NEK9: variants seen among roughly 807,000 people sequenced by gnomAD.
NEK9 encodes serine/threonine-protein kinase Nek9.
Under a neutral mutation model 123.4 loss-of-function variants are expected in NEK9, and 75 were observed. The observed-to-expected ratio is 0.61, with a 90% CI of 0.50 to 0.74. The LOEUF is 0.74. Among genes scored for constraint, NEK9 ranks in the 30% least tolerant of loss-of-function variants. The pLI is 0.00. For synonymous variants in NEK9, 438 were observed against 458.7 expected, an observed-to-expected ratio of 0.95 and a Z score of 0.58; for missense variants, 952 against 1,214.4, an observed-to-expected ratio of 0.78 and a Z score of 3.21.
chr14:75,088,787 C>A lies in NEK9; in HGVS notation c.2443-146G>T, dbSNP rs73309781. 3,576 of 656,574 alleles carry A rather than the reference C, an allele frequency of 5.4e-3. 114 individuals carry two copies. In the African/African-American group the frequency reaches 0.061, roughly 11 times the overall value. 40.7% of individuals were successfully genotyped at this position (656,574 alleles called of 1,614,324 possible). A position where few individuals can be genotyped will look rare whatever the true frequency, so the allele number is the denominator to read the frequency against. On this transcript the variant is annotated intron_variant, in intron 19 of 21. Coordinates refer to ENST00000238616, the MANE Select transcript of NEK9 (RefSeq NM_033116.6). ...AGTTGTGGTTAACAACATATCACAG[C>A]CTACCTGTGAAAAAACTGCCACCCC...
intron 16 of NEK9, among the ~76,000 whole-genome samples, chr14:75,100,486 AAAGAG>A (rs1894539612): frequency 6.6e-6 from 1 of 152,168 alleles, no homozygotes; most frequent in South Asian, 2.1e-4. Context: ...GTCTCAGAGA[AAAGAG>A]AGGAGAAAAA....
rs187134031 is a variant in NEK9 at position 75,106,161 on chromosome 14, A to G, written c.1529-165T>C. 108 of 645,338 alleles carry G rather than the reference A, an allele frequency of 1.7e-4. No individual in the cohort carries two copies. In the Admixed American group the frequency reaches 2.7e-3, roughly 16 times the overall value. The allele number at this position is 645,338 out of a possible 1,614,324, so 40.0% of individuals were successfully genotyped here. ...ATGAGGTCAGAAGTTCGAGCGAGAC[A>G]AGCCTGGCCAGTGTGGTGAAACCCC... On this transcript the variant is annotated intron_variant, in intron 12 of 21. Coordinates refer to ENST00000238616, the MANE Select transcript of NEK9 (RefSeq NM_033116.6).
rs184242884 is a variant in NEK9, at chr14:75,088,036, G to A, written c.2604+444C>T. ...AGGAAAAGTCTAAAATAATTATGTAGCCTTTTATAGAAAAAGTTTCATGAC... is the reference window on the plus strand; with the variant it reads ...AGGAAAAGTCTAAAATAATTATGTAACCTTTTATAGAAAAAGTTTCATGAC... On this transcript the variant is annotated intron_variant, in intron 20 of 21. Coordinates refer to ENST00000238616, the MANE Select transcript of NEK9 (RefSeq NM_033116.6). 4.6e-5 allele frequency among the ~76,000 whole-genome samples: 7 copies of A among 152,270 alleles called. No homozygotes were observed. In the East Asian group the frequency reaches 9.6e-4, roughly 21 times the overall value.
At chr14:75,101,811 C>A in intron 14 of NEK9, 46 bp from the exon 15 acceptor site, 5 of 1,398,978 alleles carry the variant, frequency 3.6e-6, no homozygotes, top group South Asian at 1.2e-5. Context: ...GTAAGAAAAT[C>A]GAAGGAAAAT....
At chr14:75,118,259 C>T (rs1594850468) in intron 5 of NEK9, among the ~76,000 whole-genome samples, 1 of 152,182 alleles carries the variant, frequency 6.6e-6, no homozygotes, top group African/African-American at 2.4e-5. Flanking sequence ...AAGGACAGAG[C>T]ATTGTGAAAC....
At chr14:75,119,585 C>A (rs8003506) in intron 4 of NEK9, among the ~76,000 whole-genome samples, 69,515 of 151,970 alleles carry the variant, frequency 0.46, 16,985 homozygotes, top group East Asian at 0.83. Flanking sequence ...AGATACCACA[C>A]CTCTTCAACT....
intron 21 of NEK9, 52 bp from the exon 22 acceptor site, chr14:75,084,738 G>A (rs1216951901): frequency 6.2e-7 from 1 of 1,611,840 alleles, no homozygotes; most frequent in Non-Finnish European, 8.5e-7. Flanking sequence ...CCTAGTCACA[G>A]AAGTAGTTCA....
At chr14:75,091,536 C>T in intron 18 of NEK9, 58 bp from the exon 19 acceptor site, 1 of 1,384,568 alleles carries the variant, frequency 7.2e-7, no homozygotes, top group Non-Finnish European at 9.5e-7. Flanking sequence ...ACAGATTTAC[C>T]ATTTGACAAC....
intron 1 of NEK9, among the ~76,000 whole-genome samples, chr14:75,126,027 T>G (rs1399823542): frequency 6.6e-6 from 1 of 152,058 alleles, no homozygotes; most frequent in South Asian, 2.1e-4. Flanking sequence ...GGGGGCAAGA[T>G]TACTTTGCTT....
At position 75,106,530 on chromosome 14, in the gene NEK9, T is replaced by A. The variant is rs1266193120; in HGVS notation, c.1500A>T (p.Glu500Asp). ...NHVVVLTRNK[E>D]VYSWGCGEYG... ...ATTCGCCACAGCCCCAAGAATAGAC[T>A]TCCTTGTTTCGTGTCAGAACCACCA... Residue 500 changes from glutamate to aspartate, a missense_variant, in exon 12 of 22, where the codon GAA becomes GAT. By Grantham distance (45) the Glu-to-Asp change is conservative. Around this residue, in one of 4 missense-constraint regions of NEK9, gnomAD observed 698 missense variants for 875.6 expected, o/e 0.80. Transcript: ENST00000238616. 7 of 1,613,940 alleles carry A rather than the reference T, an allele frequency of 4.3e-6. No homozygotes were observed. The Admixed American group carries it at 1.2e-4, about 27-fold the overall frequency.
intron 8 of NEK9, among the ~76,000 whole-genome samples, chr14:75,110,935 T>G (rs984456273): frequency 1.3e-5 from 2 of 152,176 alleles, no homozygotes; most frequent in Admixed American, 6.5e-5. Flanking sequence ...CTTTCCAGTC[T>G]CACCACCTTA....
chr14:75,103,799 G>A (rs377064140), intron 14 of NEK9, 43 bp downstream of exon 14: 7 of 1,558,606 alleles, frequency 4.5e-6, no homozygotes, highest in Non-Finnish European at 6.1e-6. Flanking sequence ...CCAACCTAGA[G>A]AAATTCTGAT....
At chr14:75,094,564 G>A (rs1304094867) in intron 18 of NEK9, among the ~76,000 whole-genome samples, 1 of 152,192 alleles carries the variant, frequency 6.6e-6, no homozygotes, top group Non-Finnish European at 1.5e-5. Flanking sequence ...GGGAGGCTGA[G>A]GTGGGCAGAT....
chr14:75,100,866 T>A (rs1197533602), intron 16 of NEK9, 126 bp downstream of exon 16: 1 of 967,318 alleles, frequency 1.0e-6, no homozygotes, highest in East Asian at 2.6e-5. Flanking sequence ...CGGCCACCAA[T>A]TTAATACAAA....
intron 6 of NEK9, 55 bp from the exon 7 acceptor site, chr14:75,114,368 T>G: frequency 7.3e-7 from 1 of 1,365,520 alleles, no homozygotes; most frequent in Non-Finnish European, 1.0e-6. Context: ...GATGCTATAC[T>G]CTACTGGTAG....
chr14:75,126,708 T>C lies in NEK9; in HGVS notation c.214A>G (p.Thr72Ala), dbSNP rs1365393217. The change falls in exon 1 of 22, where the codon ACC becomes GCC. Residue 72 changes from threonine to alanine, a missense_variant. By Grantham distance (58) the Thr-to-Ala change is moderately conservative. Around this residue, in one of 4 missense-constraint regions of NEK9, gnomAD observed 106 missense variants for 153.0 expected, o/e 0.69. Coordinates refer to ENST00000238616, the MANE Select transcript of NEK9 (RefSeq NM_033116.6). ...CCGGCGCCGAGGGCCGCTACCTCGG[T>C]GCGGCGGTACAGCGTGGCTTCCCCG... The part of the protein sequence containing the change: ...AFGEATLYRR[T>A]EDDSLVVWKE... The C allele has an allele frequency of 2.1e-6, 3 of 1,431,262 alleles. No individual in the cohort carries two copies. In the African/African-American group the frequency reaches 4.5e-5, roughly 22 times the overall value. The allele number at this position is 1,431,262 out of a possible 1,614,324, so 88.7% of individuals were successfully genotyped here.
chr14:75,100,841 C>T (rs1355757421), intron 16 of NEK9, 151 bp downstream of exon 16: 20 of 717,622 alleles, frequency 2.8e-5, no homozygotes, highest in Non-Finnish European at 4.3e-5. Flanking sequence ...GTTAATAAAG[C>T]TCAATATATA....
intron 14 of NEK9, 49 bp from the exon 15 acceptor site, chr14:75,101,814 AGGAAAATCAGGCTGAGAAT>A: frequency 7.4e-7 from 1 of 1,355,270 alleles, no homozygotes; most frequent in Non-Finnish European, 1.1e-6. Flanking sequence ...AGAAAATCGA[AGGAAAATCAGGCTGAGAAT>A]GGAAAAAAGT....
intron 6 of NEK9, chr14:75,116,636 A>ATT: frequency 5.3e-6 from 1 of 188,620 alleles, no homozygotes; most frequent in Non-Finnish European, 1.2e-5. Flanking sequence ...TTTAATTTTA[A>ATT]TTTTTTTTTG....
Sources: gnomAD v4.1 joint callset for allele counts (sites outside exome capture counted in the v4.1 genomes callset) on GRCh38, gnomAD v4.1.1 for gene constraint, gnomAD v4.1.1 regional missense constraint, MANE v1.5 for transcripts, NCBI Gene and HGNC (gene_info 2026-07-23, HGNC 2026-07-21) for gene names.